RRP15: variants seen among roughly 807,000 people sequenced by gnomAD.
The protein encoded by RRP15 is ribosomal RNA processing 15 homolog.
RRP15 carries 18 observed loss-of-function variants against 27.1 expected under a neutral mutation model. The ratio of observed to expected loss-of-function variants is 0.66; its 90% CI spans 0.46 to 0.98. The LOEUF (loss-of-function observed/expected upper bound fraction) is 0.98, where lower values mean the gene tolerates loss of function less well. RRP15 is among the 50% of genes least tolerant of loss of function. The pLI, the probability that RRP15 is intolerant of heterozygous loss-of-function variation, is 0.00. For missense variants in RRP15, 359 were observed against 337.8 expected, an observed-to-expected ratio of 1.06 and a Z score of -0.49; for synonymous variants, 107 against 109.4, an observed-to-expected ratio of 0.98 and a Z score of 0.14.
chr1:218,328,629 C>G (rs1443330960), intron 4 of RRP15, among the ~76,000 whole-genome samples: 6 of 151,898 alleles, frequency 4.0e-5, no homozygotes, highest in Non-Finnish European at 8.8e-5. Context: ...CGCCACTGCA[C>G]TCCAGCCTGG....
rs1398648771 is a variant in RRP15, at chr1:218,335,203, A to G, written c.*4112A>G. 1 of 152,166 alleles carries G rather than the reference A, an allele frequency of 6.6e-6. No individual in the cohort carries two copies. Among genetic ancestry groups the G allele is most frequent in the African/African-American group, 2.4e-5 (1 of 41,438 alleles). 9.4% of individuals were successfully genotyped at this position (152,166 alleles called of 1,614,324 possible). On this transcript the variant is annotated 3_prime_UTR_variant, in exon 5 of 5. Coordinates refer to ENST00000366932, the MANE Select transcript of RRP15 (RefSeq NM_016052.4). ...ATTTTTTACCTAGTCTACTGAACATAATTTCAGGGAGTTAGTATTTAGGAC... is the reference window on the plus strand; with the variant it reads ...ATTTTTTACCTAGTCTACTGAACATGATTTCAGGGAGTTAGTATTTAGGAC...
rs528795329 is a variant in RRP15, at chr1:218,332,665, A to T, written c.*1574A>T. 1.8e-4 allele frequency: 27 copies of T among 152,276 alleles called. No homozygotes were observed. The highest frequency in any genetic ancestry group is 1.6e-3 in the Admixed American group (25 of 15,292). 9.4% of individuals were successfully genotyped at this position (152,276 alleles called of 1,614,324 possible). ...CTGGTATTTGTTATCATAAAGGAAG[A>T]TGTACACCTAAGGTATCAAGTGGTT... On this transcript the variant is annotated 3_prime_UTR_variant, in exon 5 of 5. Coordinates refer to ENST00000366932, the MANE Select transcript of RRP15 (RefSeq NM_016052.4).
chr1:218,328,868 T>A (rs970483728), intron 4 of RRP15, among the ~76,000 whole-genome samples: 5 of 152,088 alleles, frequency 3.3e-5, no homozygotes, highest in Admixed American at 2.6e-4. Flanking sequence ...AACGTGTTGA[T>A]GGCATATTGG....
rs377688950 is a variant in RRP15 at position 218,331,006 on chromosome 1, T to C, written c.764T>C (p.Met255Thr). Residue 255 changes from methionine (M) to threonine (T), a missense_variant, in exon 5 of 5, where the codon ATG becomes ACG. Transcript: ENST00000366932. ...GWTILRDDFM[M>T]GASMKDWDKE... ...ACGATCCTACGTGATGATTTCATGA[T>C]GGGAGCATCTATGAAAGACTGGGAC... 1.2e-6 allele frequency: 2 copies of C among 1,613,548 alleles called. No individual in the cohort carries two copies. The highest frequency in any genetic ancestry group is 2.2e-5 in the East Asian group (1 of 44,874).
rs556684015 is a variant in RRP15 at position 218,318,239 on chromosome 1, A to T, written c.705+10607A>T. On this transcript the variant is annotated intron_variant, in intron 4 of 4. Coordinates refer to ENST00000366932, the MANE Select transcript of RRP15 (RefSeq NM_016052.4). Reference sequence around the variant, plus strand: ...ATGTGCCCCGAAGATTCTCTTTTTTAAAAAAAAATCAGTTTTATTGAGGTA... The same window carrying T: ...ATGTGCCCCGAAGATTCTCTTTTTTTAAAAAAAATCAGTTTTATTGAGGTA... Among the ~76,000 whole-genome samples, 45 of 151,560 alleles carry T rather than the reference A, an allele frequency of 3.0e-4. No homozygotes were observed. The South Asian group carries it at 3.6e-3, about 12-fold the overall frequency.
At chr1:218,313,365 T>G (rs1656033980) in intron 4 of RRP15, among the ~76,000 whole-genome samples, 2 of 152,096 alleles carry the variant, frequency 1.3e-5, no homozygotes, top group Admixed American at 1.3e-4. Context: ...AGGTATAGAT[T>G]GACTTGATTT....
intron 4 of RRP15, among the ~76,000 whole-genome samples, chr1:218,328,662 CAA>C (rs1188230214): frequency 7.1e-6 from 1 of 141,548 alleles, no homozygotes; most frequent in Non-Finnish European, 1.5e-5. Context: ...GACTCCGTCT[CAA>C]AAAAAAAAAA....
At position 218,331,140 on chromosome 1, in the gene RRP15, T is replaced by C. The variant is rs777713342; in HGVS notation, c.*49T>C. 1.3e-6 allele frequency: 2 copies of C among 1,521,342 alleles called. No individual in the cohort carries two copies. Among genetic ancestry groups the C allele is most frequent in the East Asian group, 4.7e-5 (2 of 42,106 alleles). The allele number at this position is 1,521,342 out of a possible 1,614,324, so 94.2% of individuals were successfully genotyped here. ...AGTCGTTTTATTTTTTCTAGAAAAA[T>C]ATGTCATCCTCTGATAGTTGGGGAA... On this transcript the variant is annotated 3_prime_UTR_variant, in exon 5 of 5. Transcript: ENST00000366932.
chr1:218,308,062 C>CTTTTTT (rs56813511), intron 4 of RRP15, among the ~76,000 whole-genome samples: 883 of 66,982 alleles, frequency 0.013, 39 homozygotes, highest in Non-Finnish European at 0.016. Flanking sequence ...TTCTTTCTTT[C>CTTTTTT]TTTTTTTTTT....
At position 218,331,132 on chromosome 1, in the gene RRP15, T is replaced by C; in HGVS notation, c.*41T>C. 1 of 1,542,724 alleles carries C rather than the reference T, an allele frequency of 6.5e-7. No individual in the cohort carries two copies. Among genetic ancestry groups the C allele is most frequent in the Non-Finnish European group, 8.8e-7 (1 of 1,130,882 alleles). ...ACAATTGCAGTCGTTTTATTTTTTCTAGAAAAATATGTCATCCTCTGATAG... is the reference window on the plus strand; with the variant it reads ...ACAATTGCAGTCGTTTTATTTTTTCCAGAAAAATATGTCATCCTCTGATAG... On this transcript the variant is annotated 3_prime_UTR_variant, in exon 5 of 5. Transcript: ENST00000366932.
At chr1:218,323,106 G>A (rs972724400) in intron 4 of RRP15, among the ~76,000 whole-genome samples, 1 of 152,230 alleles carries the variant, frequency 6.6e-6, no homozygotes, top group African/African-American at 2.4e-5. Flanking sequence ...GCCCTAAAGA[G>A]GTGTCACAGC....
intron 4 of RRP15, among the ~76,000 whole-genome samples, chr1:218,324,788 T>C (rs139139210): frequency 3.2e-4 from 49 of 152,378 alleles, no homozygotes; most frequent in African/African-American, 1.2e-3. Flanking sequence ...AGCTGAATGT[T>C]GTAATATTCC....
Position 218,328,365 on chromosome 1 carries a change from C to T in RRP15, c.706-2583C>T, listed in dbSNP as rs115049686. On this transcript the variant is annotated intron_variant, in intron 4 of 4. Coordinates refer to ENST00000366932, the MANE Select transcript of RRP15 (RefSeq NM_016052.4). ...ATTGTTCCTTTCTTTCTGAAATACACGTTTAAAGTTTTGTGGGCTGGGCAC... is the reference window on the plus strand; with the variant it reads ...ATTGTTCCTTTCTTTCTGAAATACATGTTTAAAGTTTTGTGGGCTGGGCAC... 3.0e-3 allele frequency among the ~76,000 whole-genome samples: 451 copies of T among 152,186 alleles called. 4 individuals are homozygous for T. The highest frequency in any genetic ancestry group is 0.01 in the African/African-American group (430 of 41,528).
At chr1:218,312,477 G>C (rs998517954) in intron 4 of RRP15, among the ~76,000 whole-genome samples, 1 of 151,938 alleles carries the variant, frequency 6.6e-6, no homozygotes, top group South Asian at 2.1e-4. Flanking sequence ...TAGTGGATGT[G>C]AGAAGACATA....
At chr1:218,322,458 C>A (rs1378754766) in intron 4 of RRP15, among the ~76,000 whole-genome samples, 1 of 149,460 alleles carries the variant, frequency 6.7e-6, no homozygotes, top group African/African-American at 2.5e-5. Flanking sequence ...TTGGGACGAT[C>A]TTGGTAGAAA....
chr1:218,307,631 A>G lies in RRP15; in HGVS notation c.704A>G (p.Gln235Arg), dbSNP rs191993066. 286 of 1,610,496 alleles carry G rather than the reference A, an allele frequency of 1.8e-4. 1 individual carries two copies. In the East Asian group the frequency reaches 5.8e-3, roughly 33 times the overall value. The change falls in exon 4 of 5, where the codon CAG becomes CGG. Residue 235 changes from glutamine (Q) to arginine (R), a missense_variant and splice_region_variant. Physicochemically the swap from Gln to Arg is conservative, Grantham distance 43. Transcript: ENST00000366932. ...ASSRKKPKAK[Q>R]TEVKSEEGPG... ...AGCAGGAAGAAACCAAAAGCCAAACAGGTAAAAACTTTTCTATAGGATTCA... is the reference window on the plus strand; with the variant it reads ...AGCAGGAAGAAACCAAAAGCCAAACGGGTAAAAACTTTTCTATAGGATTCA...
rs1377342964 is a variant in RRP15 at position 218,333,041 on chromosome 1, T to G, written c.*1950T>G. ...TAAATACCTTATTTACTAAAATGTT[T>G]TGAAACATATTTTATAGTCCCTCAT... On this transcript the variant is annotated 3_prime_UTR_variant, in exon 5 of 5. Coordinates refer to ENST00000366932, the MANE Select transcript of RRP15 (RefSeq NM_016052.4). The G allele has an allele frequency of 6.6e-6, 1 of 152,186 alleles. No homozygotes were observed. Among genetic ancestry groups the G allele is most frequent in the Non-Finnish European group, 1.5e-5 (1 of 68,022 alleles). The allele number at this position is 152,186 out of a possible 1,614,324, so 9.4% of individuals were successfully genotyped here.
Position 218,317,859 on chromosome 1 carries a change from G to A in RRP15, c.705+10227G>A, listed in dbSNP as rs530200354. ...CAAGTGATCCTCCCTCCTCAGCCTC[G>A]CGAGTAGCTAGAGCCACAGGCACCA... is the stretch of plus-strand genomic sequence containing the variant. On this transcript the variant is annotated intron_variant, in intron 4 of 4. Transcript: ENST00000366932. Among the ~76,000 whole-genome samples, 47 of 150,272 alleles carry A rather than the reference G, an allele frequency of 3.1e-4. 2 individuals are homozygous for A. The South Asian group carries it at 9.6e-3, about 31-fold the overall frequency.
intron 1 of RRP15, among the ~76,000 whole-genome samples, chr1:218,291,774 C>T (rs1005891724): frequency 6.6e-6 from 1 of 152,052 alleles, no homozygotes; most frequent in Non-Finnish European, 1.5e-5. Flanking sequence ...TCATGATACA[C>T]CCACCTTGGT....
Sources: allele counts gnomAD v4.1 joint callset (sites outside exome capture counted in the v4.1 genomes callset), GRCh38; gene constraint gnomAD v4.1.1; transcripts MANE v1.5; gene names NCBI Gene and HGNC (gene_info 2026-07-23, HGNC 2026-07-21).